Variants in FUT8 observed in about 807,000 individuals in gnomAD.
FUT8 encodes fucosyltransferase 8, also known as alpha-(1,6)-fucosyltransferase.
FUT8 carries 29 observed loss-of-function variants against 71.3 expected under a neutral mutation model. That is an observed-to-expected ratio of 0.41 (90% confidence interval 0.30 to 0.55). The LOEUF (loss-of-function observed/expected upper bound fraction) is 0.55. FUT8 is among the 20% of genes least tolerant of loss of function. The pLI is 0.34. For synonymous variants in FUT8, 254 were observed against 239.3 expected, an observed-to-expected ratio of 1.06 and a Z score of -0.57; for missense variants, 544 against 702.1, an observed-to-expected ratio of 0.77 and a Z score of 2.55.
chr14:65,640,131 AAATAAAGC>A (rs1890758725), intron 6 of FUT8, among the ~76,000 whole-genome samples: 1 of 152,102 alleles, frequency 6.6e-6, no homozygotes, highest in South Asian at 2.1e-4. Flanking sequence ...TGAAATAAAG[AAATAAAGC>A]AATAAAGAAA....
intron 6 of FUT8, among the ~76,000 whole-genome samples, chr14:65,656,039 T>C (rs1472292386): frequency 6.6e-6 from 1 of 152,108 alleles, no homozygotes; most frequent in Non-Finnish European, 1.5e-5. Context: ...TTCTCTAAGA[T>C]CTGGAGCATG....
intron 2 of FUT8, among the ~76,000 whole-genome samples, chr14:65,525,118 G>A (rs1247143384): frequency 6.6e-6 from 1 of 152,154 alleles, no homozygotes; most frequent in Non-Finnish European, 1.5e-5. Flanking sequence ...CTATTGATGG[G>A]AATAGTTTCA....
At chr14:65,640,738 A>G (rs1224856884) in intron 6 of FUT8, among the ~76,000 whole-genome samples, 4 of 151,816 alleles carry the variant, frequency 2.6e-5, no homozygotes, top group African/African-American at 9.7e-5. Context: ...TCAATGTAAC[A>G]CTAAGAGAAC....
intron 2 of FUT8, among the ~76,000 whole-genome samples, chr14:65,503,477 G>A (rs1388109997): frequency 1.3e-5 from 2 of 152,168 alleles, no homozygotes; most frequent in Non-Finnish European, 2.9e-5. Flanking sequence ...TTAAAACACA[G>A]CATCTTGCCT....
intron 2 of FUT8, among the ~76,000 whole-genome samples, chr14:65,547,085 C>G (rs909920482): frequency 1.3e-5 from 2 of 151,444 alleles, no homozygotes; most frequent in East Asian, 3.9e-4. Flanking sequence ...GTGCCTCTTA[C>G]ATTCCTAATA....
At chr14:65,617,055 G>A (rs1178363816) in intron 5 of FUT8, 1 of 1,578,486 alleles carries the variant, frequency 6.3e-7, no homozygotes, top group East Asian at 2.3e-5. Flanking sequence ...CCTGTCTTTA[G>A]GCCTGTTATA....
chr14:65,422,070 A>G (rs1316014509), intron 1 of FUT8, among the ~76,000 whole-genome samples: 1 of 152,146 alleles, frequency 6.6e-6, no homozygotes, highest in African/African-American at 2.4e-5. Context: ...TTTGGGGGCA[A>G]GTAGACTACT....
Position 65,742,521 on chromosome 14 carries a change from A to G in FUT8, c.*111A>G. Reference sequence around the variant, plus strand: ...CTCTGATCTAACAAAATAAGGTTATATGAGTAGATACTCTCAGCACCAAGA... The same window carrying G: ...CTCTGATCTAACAAAATAAGGTTATGTGAGTAGATACTCTCAGCACCAAGA... On this transcript the variant is annotated 3_prime_UTR_variant, in exon 11 of 11. Transcript: ENST00000673929. The G allele has an allele frequency of 1.2e-6, 1 of 854,306 alleles. No homozygotes were observed. Among genetic ancestry groups the G allele is most frequent in the Non-Finnish European group, 1.8e-6 (1 of 559,426 alleles). The allele number at this position is 854,306 out of a possible 1,614,324, so 52.9% of individuals were successfully genotyped here.
chr14:65,440,135 T>C (rs1174197277), intron 1 of FUT8, among the ~76,000 whole-genome samples: 5 of 151,598 alleles, frequency 3.3e-5, no homozygotes, highest in Admixed American at 6.6e-5. Flanking sequence ...GTCTCACTTA[T>C]ATGTAGAATC....
At chr14:65,480,299 ATTTTTTTTTT>A (rs5809276) in intron 2 of FUT8, among the ~76,000 whole-genome samples, 1,370 of 96,960 alleles carry the variant, frequency 0.014, 19 homozygotes, top group African/African-American at 0.044. Context: ...ATGAACTGTG[ATTTTTTTTTT>A]TTTTTTTTTT....
chr14:65,497,824 A>T (rs1373855051), intron 2 of FUT8, among the ~76,000 whole-genome samples: 1 of 152,122 alleles, frequency 6.6e-6, no homozygotes, highest in African/African-American at 2.4e-5. Flanking sequence ...AATTTACTAT[A>T]AAATATGTCA....
intron 10 of FUT8, among the ~76,000 whole-genome samples, chr14:65,737,247 ATTAT>A (rs1896261577): frequency 6.6e-6 from 1 of 152,058 alleles, no homozygotes; most frequent in Non-Finnish European, 1.5e-5. Flanking sequence ...TTTTGTTACT[ATTAT>A]TGCTGTTAAC....
At chr14:65,734,097 C>G (rs757064398) in intron 10 of FUT8, among the ~76,000 whole-genome samples, 3 of 152,040 alleles carry the variant, frequency 2.0e-5, no homozygotes, top group Admixed American at 2.0e-4. Context: ...CTGTTAAATG[C>G]ACTCAAAATT....
At chr14:65,730,994 GAA>G (rs1895953991) in intron 9 of FUT8, among the ~76,000 whole-genome samples, 2 of 152,202 alleles carry the variant, frequency 1.3e-5, no homozygotes, top group African/African-American at 4.8e-5. Flanking sequence ...ACATTGAAAT[GAA>G]TAGAGACAAG....
chr14:65,394,207 C>T, the FUT8 span, among the ~76,000 whole-genome samples: 2 of 152,206 alleles, frequency 1.3e-5, no homozygotes, highest in South Asian at 4.1e-4. Context: ...GATCTGCCCA[C>T]CTTGGCCTCC....
intron 6 of FUT8, among the ~76,000 whole-genome samples, chr14:65,631,690 A>G (rs1890188882): frequency 6.6e-6 from 1 of 152,042 alleles, no homozygotes; most frequent in African/African-American, 2.4e-5. Context: ...AGTAGAAAAA[A>G]AGTGCTTTGG....
intron 7 of FUT8, among the ~76,000 whole-genome samples, chr14:65,718,627 C>G (rs1452953617): frequency 6.6e-6 from 1 of 152,110 alleles, no homozygotes; most frequent in Non-Finnish European, 1.5e-5. Context: ...AAGGATTCCC[C>G]TTAGCATTTC....
intron 2 of FUT8, among the ~76,000 whole-genome samples, chr14:65,557,195 G>T (rs1199485996): frequency 6.6e-6 from 1 of 152,010 alleles, no homozygotes; most frequent in African/African-American, 2.4e-5. Flanking sequence ...TATGTTTATT[G>T]TTCCAGAGAC....
intron 3 of FUT8, among the ~76,000 whole-genome samples, chr14:65,564,995 T>C (rs1382687376): frequency 6.6e-6 from 1 of 152,002 alleles, no homozygotes; most frequent in Non-Finnish European, 1.5e-5. Context: ...AAAGAAGTTA[T>C]TTGGCTCATG....
Sources: allele counts gnomAD v4.1 joint callset (sites outside exome capture counted in the v4.1 genomes callset), GRCh38; gene constraint gnomAD v4.1.1; transcripts MANE v1.5; gene names NCBI Gene and HGNC (gene_info 2026-07-23, HGNC 2026-07-21).